POLR1C: variants seen among roughly 807,000 people sequenced by gnomAD.
POLR1C encodes DNA-directed RNA polymerases I and III subunit RPAC1.
POLR1C carries 42 observed loss-of-function variants against 38.3 expected under a neutral mutation model. The observed-to-expected ratio is 1.10, with a 90% CI of 0.86 to 1.42. POLR1C has a LOEUF of 1.42. Ranked by LOEUF, POLR1C falls within the 40% of genes most tolerant of loss-of-function variation. POLR1C has a pLI of 0.00. For synonymous variants in POLR1C, 163 were observed against 163.9 expected (o/e 0.99, Z 0.04); for missense variants, 507 against 450.5 (o/e 1.13, Z -1.14).
At chr6:43,547,431 G>A (rs142268372) in intron 9 of POLR1C, 33 of 696,614 alleles carry the variant, frequency 4.7e-5, no homozygotes, top group Middle Eastern at 2.3e-4. Context: ...CTCTGCTGTG[G>A]GAACTAACTC....
chr6:43,556,117 C>CT (rs1323775520), intron 10 of POLR1C: 2 of 1,015,448 alleles, frequency 2.0e-6, no homozygotes, highest in Admixed American at 6.0e-5. Context: ...CTCAATAAAA[C>CT]TTTATTAACG....
chr6:43,534,932 T>C (rs1233000414), intron 9 of POLR1C, among the ~76,000 whole-genome samples: 1 of 151,636 alleles, frequency 6.6e-6, no homozygotes, highest in Non-Finnish European at 1.5e-5. Context: ...GAGGCAGAGG[T>C]TGTGGTGAGC....
In POLR1C at chr6:43,521,203, T is replaced by C; in HGVS notation, c.944T>C (p.Val315Ala). 6.2e-7 allele frequency: 1 copy of C among 1,613,644 alleles called. No homozygotes were observed. ...HYIFSVESTG[V>A]LPPDVLVSEA... is the part of the protein sequence containing the mutation. ...CCAGTCTCTGTTGAGTCAACGGGGG[T>C]GTTGCCACCAGATGTGCTGGTGAGT... The change falls in exon 9 of 9, where the codon GTG becomes GCG. Residue 315 changes from valine (V) to alanine (A), a missense_variant. Coordinates refer to ENST00000642195, the MANE Select transcript of POLR1C (RefSeq NM_203290.4).
At chr6:43,558,412 TA>T in intron 10 of POLR1C, 1 of 1,239,792 alleles carries the variant, frequency 8.1e-7, no homozygotes, top group Middle Eastern at 1.9e-4. Context: ...GGATCTTTCG[TA>T]AAAACCCCAA....
chr6:43,519,939 C>G, intron 4 of POLR1C, 101 bp downstream of exon 4: 1 of 1,537,882 alleles, frequency 6.5e-7, no homozygotes, highest in Non-Finnish European at 8.9e-7. Flanking sequence ...CAGTGTCTTT[C>G]ATCTGTGAGA....
chr6:43,531,662 A>T, downstream of POLR1C: 1 of 1,162,036 alleles, frequency 8.6e-7, no homozygotes, highest in Non-Finnish European at 1.3e-6. Context: ...GCTGTTGTTC[A>T]GGGGTGAAGA....
Position 43,521,177 on chromosome 6 carries a change from C to T in POLR1C, c.923-5C>T, listed in dbSNP as rs754848781. On this transcript the variant is annotated splice_polypyrimidine_tract_variant and splice_region_variant and intron_variant, in intron 8 of 8. Coordinates refer to ENST00000642195, the MANE Select transcript of POLR1C (RefSeq NM_203290.4). ...CCTAGACTAAAGTGTCTCTTTGGTC[C>T]CCAGTCTCTGTTGAGTCAACGGGGG... 16 of 1,613,852 alleles carry T rather than the reference C, an allele frequency of 9.9e-6. No homozygotes were observed. The highest frequency in any genetic ancestry group is 5.0e-5 in the Admixed American group (3 of 59,984).
intron 8 of POLR1C, chr6:43,528,021 T>C (rs1020851796): frequency 8.5e-5 from 75 of 884,284 alleles, no homozygotes; most frequent in Non-Finnish European, 1.2e-4. Context: ...AGACAAGCCA[T>C]GTATCACCTA....
downstream of POLR1C, chr6:43,522,669 C>T (rs767331531): frequency 4.2e-6 from 2 of 479,764 alleles, no homozygotes; most frequent in African/African-American, 3.9e-5. Flanking sequence ...CCCGCACCAG[C>T]TAAAAACTGT....
chr6:43,529,664 G>C (rs1793837288), downstream of POLR1C: 3 of 163,572 alleles, frequency 1.8e-5, no homozygotes, highest in South Asian at 4.7e-4. Context: ...GCTCAGGCCT[G>C]TAATTCTAGC....
chr6:43,542,389 A>G (rs1794740076), intron 9 of POLR1C, among the ~76,000 whole-genome samples: 1 of 152,138 alleles, frequency 6.6e-6, no homozygotes, highest in African/African-American at 2.4e-5. Context: ...TTTCTCTACT[A>G]AAAAAATAGT....
At chr6:43,549,932 T>C (rs372144429) in intron 9 of POLR1C, 6 of 1,612,178 alleles carry the variant, frequency 3.7e-6, no homozygotes, top group Non-Finnish European at 5.1e-6. Flanking sequence ...CAGATGAAAA[T>C]AGCTAAGGGA....
At chr6:43,526,459 A>C (rs557269404), downstream of POLR1C, 3 of 562,832 alleles carry the variant, frequency 5.3e-6, no homozygotes, top group Non-Finnish European at 9.6e-6. Context: ...AGAAAAGATC[A>C]CATATATGGT....
chr6:43,524,736 G>A (rs955329737), downstream of POLR1C: 5 of 1,585,896 alleles, frequency 3.2e-6, no homozygotes, highest in African/African-American at 4.0e-5. Flanking sequence ...CCAGCAATTT[G>A]GCAGGTGCCT....
At chr6:43,535,717 G>T (rs1794271525) in intron 9 of POLR1C, among the ~76,000 whole-genome samples, 1 of 151,828 alleles carries the variant, frequency 6.6e-6, no homozygotes, top group Non-Finnish European at 1.5e-5. Context: ...GGAAGGCTGA[G>T]GTGGGAGAAT....
downstream of POLR1C, chr6:43,523,659 T>A (rs529849715): frequency 1.6e-5 from 14 of 849,136 alleles, no homozygotes; most frequent in East Asian, 3.5e-4. Flanking sequence ...GACAGAATAG[T>A]TTAAGCCCTA....
chr6:43,557,412 C>T (rs138895913), intron 10 of POLR1C, among the ~76,000 whole-genome samples: 1,990 of 151,368 alleles, frequency 0.013, 22 homozygotes, highest in Non-Finnish European at 0.021. Flanking sequence ...GGCGACAGAG[C>T]GAGACTCCAT....
At chr6:43,551,055 T>C (rs1795203803) in intron 10 of POLR1C, 1 of 326,554 alleles carries the variant, frequency 3.1e-6, no homozygotes. Context: ...AATAGCTGTG[T>C]TTATTAGTTT....
chr6:43,560,654 C>T (rs977292109), intron 10 of POLR1C, among the ~76,000 whole-genome samples: 2 of 152,132 alleles, frequency 1.3e-5, no homozygotes, highest in Non-Finnish European at 2.9e-5. Flanking sequence ...ATCTTTATAA[C>T]TTTAGTACTA....
Sources: allele counts gnomAD v4.1 joint callset (sites outside exome capture counted in the v4.1 genomes callset), GRCh38; gene constraint gnomAD v4.1.1; transcripts MANE v1.5; gene names NCBI Gene and HGNC (gene_info 2026-07-23, HGNC 2026-07-21).